ELOA2: variants seen among roughly 807,000 people sequenced by gnomAD.
ELOA2 encodes the protein elongin-A2.
For synonymous variants in ELOA2, 497 were observed against 398.8 expected, an observed-to-expected ratio of 1.25 and a Z score of -2.94; for missense variants, 1,271 against 979.7, an observed-to-expected ratio of 1.30 and a Z score of -3.97.
Position 47,032,627 on chromosome 18 carries a change from T to G in ELOA2, c.*376A>C, listed in dbSNP as rs1024046070. ...TATCAGTGTCAACTAATGGCTTGTG[T>G]GTTTTTGTCTAAGAAGTTCTTATCT... is the stretch of plus-strand genomic sequence containing the variant. On this transcript the variant is annotated 3_prime_UTR_variant, in exon 1 of 1. Transcript: ENST00000332567. 1 of 307,552 alleles carries G rather than the reference T, an allele frequency of 3.3e-6. No homozygotes were observed. Among genetic ancestry groups the G allele is most frequent in the South Asian group, 3.8e-5 (1 of 26,144 alleles). 19.1% of individuals were successfully genotyped at this position (307,552 alleles called of 1,614,324 possible). A position where few individuals can be genotyped will look rare whatever the true frequency, so the allele number is the denominator to read the frequency against.
In ELOA2 at chr18:47,035,032, A is replaced by G; in HGVS notation, c.233T>C (p.Leu78Pro). 1.2e-6 allele frequency: 2 copies of G among 1,611,712 alleles called. No homozygotes were observed. The change falls in exon 1 of 1, where the codon CTC becomes CCC. Residue 78 changes from leucine (L) to proline (P), a missense_variant. Leu to Pro is a moderately conservative substitution (Grantham distance 98). Transcript: ENST00000332567. ...GCCAGGCCGGGTGTTTCGGTCCACG[A>G]GCACCAGCTTCTTCCACCGGGCCGC... is the stretch of plus-strand genomic sequence containing the variant. The part of the protein sequence containing the change: ...DLAARWKKLV[L>P]VDRNTRPGPQ...
At position 47,035,048 on chromosome 18, in the gene ELOA2, A is replaced by G; in HGVS notation, c.217T>C (p.Trp73Arg). 6.2e-7 allele frequency: 1 copy of G among 1,611,706 alleles called. No individual in the cohort carries two copies. The highest frequency in any genetic ancestry group is 8.5e-7 in the Non-Finnish European group (1 of 1,179,722). The change falls in exon 1 of 1, where the codon TGG becomes CGG. Residue 73 changes from tryptophan (W) to arginine (R), a missense_variant. Trp to Arg is a moderately radical substitution (Grantham distance 101). Transcript: ENST00000332567. ...CGGTCCACGAGCACCAGCTTCTTCC[A>G]CCGGGCCGCTAAGTCTCTGGCAAAG... is the stretch of plus-strand genomic sequence containing the variant. ...GDFARDLAAR[W>R]KKLVLVDRNT... is the part of the protein sequence containing the mutation.
chr18:47,033,147 A>G lies in ELOA2; in HGVS notation c.2118T>C (p.Pro706=), dbSNP rs1183019088. ...DSSSSILRWL[P]EKRANPCLSS... ...TCAGGCAGGGGTTGGCCCGCTTCTCAGGGAGCCAGCGAAGGATGCTGCTGC... is the reference window on the plus strand; with the variant it reads ...TCAGGCAGGGGTTGGCCCGCTTCTCGGGGAGCCAGCGAAGGATGCTGCTGC... Residue 706 remains proline, a synonymous_variant, in exon 1 of 1, where the codon CCT becomes CCC. Coordinates refer to ENST00000332567, the MANE Select transcript of ELOA2 (RefSeq NM_016427.3). The G allele has an allele frequency of 6.2e-7, 1 of 1,614,014 alleles. No homozygotes were observed. The highest frequency in any genetic ancestry group is 8.5e-7 in the Non-Finnish European group (1 of 1,180,014).
In ELOA2 at chr18:47,033,622, C is replaced by A; in HGVS notation, c.1643G>T (p.Gly548Val). The A allele has an allele frequency of 3.1e-6, 5 of 1,614,210 alleles. No homozygotes were observed. Among genetic ancestry groups the A allele is most frequent in the Non-Finnish European group, 4.2e-6 (5 of 1,180,044 alleles). ...TTCAAGAACCCAGTAGGGGACCTCT[C>A]CCACGTCGCTGAGGGCGTCCGGATT... ...RNNPDALSDV[G>V]EVPYWVLEPV... Residue 548 changes from glycine (G) to valine (V), a missense_variant, in exon 1 of 1, where the codon GGA becomes GTA. Gly to Val is a moderately radical substitution (Grantham distance 109). Transcript: ENST00000332567.
rs1447896387 is a variant in ELOA2, at chr18:47,035,400, C to G, written c.-136G>C. ...CGACCTCGGGATGTGGAGTCACAGC[C>G]TGGAGCGAGCTGGGTCCTCGGAGCA... On this transcript the variant is annotated 5_prime_UTR_variant, in exon 1 of 1. Transcript: ENST00000332567. The G allele has an allele frequency of 2.0e-6, 3 of 1,494,612 alleles. No homozygotes were observed. Among genetic ancestry groups the G allele is most frequent in the Non-Finnish European group, 2.7e-6 (3 of 1,120,822 alleles). The allele number at this position is 1,494,612 out of a possible 1,614,324, so 92.6% of individuals were successfully genotyped here.
chr18:47,035,361 C>G lies in ELOA2; in HGVS notation c.-97G>C. On this transcript the variant is annotated 5_prime_UTR_variant, in exon 1 of 1. Coordinates refer to ENST00000332567, the MANE Select transcript of ELOA2 (RefSeq NM_016427.3). The stretch of plus-strand genomic sequence containing the variant: ...TCTGGGGTGGCCGGTCCTCGCTGCC[C>G]GGTCGCCAGGCAGCGACCTCGGGAT... 1.9e-6 allele frequency: 3 copies of G among 1,581,866 alleles called. No individual in the cohort carries two copies. Among genetic ancestry groups the G allele is most frequent in the Non-Finnish European group, 2.6e-6 (3 of 1,163,770 alleles).
Position 47,032,859 on chromosome 18 carries a change from A to C in ELOA2, c.*144T>G, listed in dbSNP as rs1275636947. ...TGGGAGGCAAAATCACAGGGCCAGCACATGACACCTGCAGAATTCAAAGGC... is the reference window on the plus strand; with the variant it reads ...TGGGAGGCAAAATCACAGGGCCAGCCCATGACACCTGCAGAATTCAAAGGC... On this transcript the variant is annotated 3_prime_UTR_variant, in exon 1 of 1. Transcript: ENST00000332567. 40 of 1,510,324 alleles carry C rather than the reference A, an allele frequency of 2.6e-5. No individual in the cohort carries two copies. The highest frequency in any genetic ancestry group is 3.5e-5 in the Non-Finnish European group (39 of 1,115,414). 93.6% of individuals were successfully genotyped at this position (1,510,324 alleles called of 1,614,324 possible).
Position 47,034,326 on chromosome 18 carries a change from C to G in ELOA2, c.939G>C (p.Ser313=), listed in dbSNP as rs377063771. 3.7e-6 allele frequency: 6 copies of G among 1,612,570 alleles called. No homozygotes were observed. The highest frequency in any genetic ancestry group is 4.2e-6 in the Non-Finnish European group (5 of 1,178,858). Residue 313 remains serine (S), a synonymous_variant, in exon 1 of 1, where the codon TCG becomes TCC. Transcript: ENST00000332567. ...CGTCTAGACTGGGCCTCTTCTTGTT[C>G]GAGTGACTGTGCTGAGGCCTCTTCT... ...SHQKRPQHSH[S]NKKRPSLDGR...
rs773662744 is a variant in ELOA2, at chr18:47,033,702, G to C, written c.1563C>G (p.Ala521=). The part of the protein sequence containing the change: ...KMPVYSGSRP[A]CQLQVPTLRQ... ...GCAGCGTCGGCACCTGGAGCTGGCA[G>C]GCAGGCCTGGAGCCCGAGTACACCG... Residue 521 remains alanine, a synonymous_variant, in exon 1 of 1, where the codon GCC becomes GCG. Transcript: ENST00000332567. The C allele has an allele frequency of 4.3e-6, 7 of 1,614,082 alleles. No homozygotes were observed. Among genetic ancestry groups the C allele is most frequent in the Non-Finnish European group, 5.9e-6 (7 of 1,180,048 alleles).
the ELOA2 span, chr18:47,033,609 G>T: frequency 6.2e-7 from 1 of 1,614,190 alleles, no homozygotes. Context: ...CAAGAACCCA[G>T]TAGGGGACCT....
chr18:47,033,975 C>G lies in ELOA2; in HGVS notation c.1290G>C (p.Leu430Phe), dbSNP rs1235111156. The change falls in exon 1 of 1, where the codon TTG becomes TTC. Residue 430 changes from leucine to phenylalanine, a missense_variant. By Grantham distance (22) the Leu-to-Phe change is conservative (BLOSUM62 0). Coordinates refer to ENST00000332567, the MANE Select transcript of ELOA2 (RefSeq NM_016427.3). The part of the protein sequence containing the change: ...TRESWDSAKK[L>F]PPVQESQSER... ...CTGACTGGCTTTCCTGGACAGGAGGCAATTTCTTAGCCGAATCCCAGGACT... is the reference window on the plus strand; with the variant it reads ...CTGACTGGCTTTCCTGGACAGGAGGGAATTTCTTAGCCGAATCCCAGGACT... 3.7e-6 allele frequency: 6 copies of G among 1,613,330 alleles called. No individual in the cohort carries two copies. The highest frequency in any genetic ancestry group is 5.1e-6 in the Non-Finnish European group (6 of 1,180,046).
At position 47,033,834 on chromosome 18, in the gene ELOA2, A is replaced by C. The variant is rs1435714226; in HGVS notation, c.1431T>G (p.Leu477=). 5 of 1,613,956 alleles carry C rather than the reference A, an allele frequency of 3.1e-6. No individual in the cohort carries two copies. The African/African-American group carries it at 5.3e-5, about 17-fold the overall frequency. ...GGGAGGTCATGGAGTCAGAATCCGAAAGCGGATCGTAGTTGGCCTGCATCC... is the reference window on the plus strand; with the variant it reads ...GGGAGGTCATGGAGTCAGAATCCGACAGCGGATCGTAGTTGGCCTGCATCC... ...EAWMQANYDP[L]SDSDSMTSQA... Residue 477 remains leucine (L), a synonymous_variant, in exon 1 of 1, where the codon CTT becomes CTG. Coordinates refer to ENST00000332567, the MANE Select transcript of ELOA2 (RefSeq NM_016427.3).
At position 47,032,723 on chromosome 18, in the gene ELOA2, T is replaced by C; in HGVS notation, c.*280A>G. 1 of 552,292 alleles carries C rather than the reference T, an allele frequency of 1.8e-6. No homozygotes were observed. Among genetic ancestry groups the C allele is most frequent in the South Asian group, 2.3e-5 (1 of 43,052 alleles). 34.2% of individuals were successfully genotyped at this position (552,292 alleles called of 1,614,324 possible). A position where few individuals can be genotyped will look rare whatever the true frequency, so the allele number is the denominator to read the frequency against. ...CTTTTTCCTTATTTATGATTACAAC[T>C]AGGGTGTTTTTAAAAATTATCAGTG... On this transcript the variant is annotated 3_prime_UTR_variant, in exon 1 of 1. Transcript: ENST00000332567.
At position 47,033,315 on chromosome 18, in the gene ELOA2, C is replaced by T; in HGVS notation, c.1950G>A (p.Thr650=). 6.2e-7 allele frequency: 1 copy of T among 1,613,670 alleles called. No individual in the cohort carries two copies. The highest frequency in any genetic ancestry group is 8.5e-7 in the Non-Finnish European group (1 of 1,180,030). The change falls in exon 1 of 1, where the codon ACG becomes ACA. Residue 650 remains threonine (T), a synonymous_variant. Transcript: ENST00000332567. The stretch of plus-strand genomic sequence containing the variant: ...CTTGCCTCCTTGAAGTATCATAAGG[C>T]GTCTTGGCCACAGATTTGAAACAGA... ...KMICFKSVAK[T]PYDTSRRQEK...
chr18:47,035,069 C>T lies in ELOA2; in HGVS notation c.196G>A (p.Ala66Thr). The T allele has an allele frequency of 1.9e-6, 3 of 1,610,588 alleles. No homozygotes were observed. The highest frequency in any genetic ancestry group is 2.5e-6 in the Non-Finnish European group (3 of 1,179,610). Residue 66 changes from alanine to threonine, a missense_variant, in exon 1 of 1, where the codon GCC (alanine) becomes ACC (threonine). Physicochemically the swap from Ala to Thr is moderately conservative, Grantham distance 58 (BLOSUM62 0). Coordinates refer to ENST00000332567, the MANE Select transcript of ELOA2 (RefSeq NM_016427.3). ...TTCCACCGGGCCGCTAAGTCTCTGG[C>T]AAAGTCGCCCACGTGCTGGTGCTTC... ...LRKHQHVGDF[A>T]RDLAARWKKL...
chr18:47,033,295 C>A lies in ELOA2; in HGVS notation c.1970G>T (p.Arg657Met). The change falls in exon 1 of 1, where the codon AGG (arginine) becomes ATG (methionine). Residue 657 changes from arginine to methionine, a missense_variant. By Grantham distance (91) the Arg-to-Met change is moderately conservative (BLOSUM62 -1). Transcript: ENST00000332567. ...AGCGTCTCCTGCAGACTTCTCTTGC[C>A]TCCTTGAAGTATCATAAGGCGTCTT... ...VAKTPYDTSR[R>M]QEKSAGDADP... 1 of 1,613,572 alleles carries A rather than the reference C, an allele frequency of 6.2e-7. No homozygotes were observed. Among genetic ancestry groups the A allele is most frequent in the Non-Finnish European group, 8.5e-7 (1 of 1,180,046 alleles).
rs767809072 is a variant in ELOA2 at position 47,033,664 on chromosome 18, G to A, written c.1601C>T (p.Ala534Val). 7 of 1,614,060 alleles carry A rather than the reference G, an allele frequency of 4.3e-6. No individual in the cohort carries two copies. Among genetic ancestry groups the A allele is most frequent in the Middle Eastern group, 1.6e-4 (1 of 6,084 alleles). Residue 534 changes from alanine (A) to valine (V), a missense_variant, in exon 1 of 1, where the codon GCC becomes GTC. By Grantham distance (64) the Ala-to-Val change is moderately conservative. Transcript: ENST00000332567. ...GTCCGGATTGTTTCTAAGCACCTGG[G>A]CACACTGCTGGCGCAGCGTCGGCAC... Reference protein sequence around the residue: ...LQVPTLRQQCAQVLRNNPDAL... With the variant: ...LQVPTLRQQCVQVLRNNPDAL...
In ELOA2 at chr18:47,032,725, G is replaced by T. The variant is rs2060532290; in HGVS notation, c.*278C>A. On this transcript the variant is annotated 3_prime_UTR_variant, in exon 1 of 1. Coordinates refer to ENST00000332567, the MANE Select transcript of ELOA2 (RefSeq NM_016427.3). ...TTTTCCTTATTTATGATTACAACTA[G>T]GGTGTTTTTAAAAATTATCAGTGAA... The T allele has an allele frequency of 3.6e-6, 2 of 557,390 alleles. No homozygotes were observed. Among genetic ancestry groups the T allele is most frequent in the Admixed American group, 6.8e-5 (2 of 29,362 alleles). 34.5% of individuals were successfully genotyped at this position (557,390 alleles called of 1,614,324 possible).
rs752339956 is a variant in ELOA2 at position 47,033,681 on chromosome 18, C to G, written c.1584G>C (p.Thr528=). ...GCACCTGGGCACACTGCTGGCGCAGCGTCGGCACCTGGAGCTGGCAGGCAG... is the reference window on the plus strand; with the variant it reads ...GCACCTGGGCACACTGCTGGCGCAGGGTCGGCACCTGGAGCTGGCAGGCAG... The part of the protein sequence containing the change: ...SRPACQLQVP[T]LRQQCAQVLR... The change falls in exon 1 of 1, where the codon ACG becomes ACC. Residue 528 remains threonine (T), a synonymous_variant. Transcript: ENST00000332567. 5 of 1,614,200 alleles carry G rather than the reference C, an allele frequency of 3.1e-6. No individual in the cohort carries two copies. The South Asian group carries it at 3.3e-5, about 11-fold the overall frequency.
Sources: gnomAD v4.1 joint callset for allele counts on GRCh38, gnomAD v4.1.1 for gene constraint, MANE v1.5 for transcripts, NCBI Gene and HGNC (gene_info 2026-07-23, HGNC 2026-07-21) for gene names.